The following KLC2 variants were observed in gnomAD, a reference collection of about 807,000 sequenced individuals.
The protein encoded by KLC2 is KLC 2.
A neutral mutation model predicts 75.1 loss-of-function variants in KLC2; 35 were observed. That is an observed-to-expected ratio of 0.47 (90% CI 0.36 to 0.62). The LOEUF is 0.62. Among genes scored for constraint, KLC2 ranks in the 20% least tolerant of loss-of-function variants. The pLI is 0.00. For synonymous variants in KLC2, 314 were observed against 336.7 expected (o/e 0.93, Z 0.74); for missense variants, 611 against 833.2 (o/e 0.73, Z 3.28).
At chr11:66,246,747 C>A in the KLC2 span, among the ~76,000 whole-genome samples, 6 of 152,198 alleles carry the variant, frequency 3.9e-5, no homozygotes, top group Non-Finnish European at 5.9e-5. Context: ...TCCTCACAAT[C>A]CCACCAAAAG....
At chr11:66,264,273 G>C in intron 8 of KLC2, 54 bp downstream of exon 8, 1 of 1,565,988 alleles carries the variant, frequency 6.4e-7, no homozygotes, top group Non-Finnish European at 8.7e-7. Context: ...GCAGGGATGA[G>C]GTTGGGGAAG....
chr11:66,264,624 C>T (rs73501972), intron 9 of KLC2, among the ~76,000 whole-genome samples, 180 bp downstream of exon 9: 1 of 152,182 alleles, frequency 6.6e-6, no homozygotes, highest in African/African-American at 2.4e-5. Context: ...GAGCACACAC[C>T]CAACTCACGC....
At chr11:66,253,584 C>T (rs1255133976), upstream of KLC2, among the ~76,000 whole-genome samples, 1 of 152,220 alleles carries the variant, frequency 6.6e-6, no homozygotes, top group East Asian at 1.9e-4. Context: ...TCTCCATTTA[C>T]TGAGTGCCCA....
At chr11:66,256,148 G>A (rs1009899838), upstream of KLC2, among the ~76,000 whole-genome samples, 1 of 151,448 alleles carries the variant, frequency 6.6e-6, no homozygotes, top group African/African-American at 2.4e-5. Context: ...TCTCATGCCT[G>A]TAATCCCAGC....
At chr11:66,254,451 A>G (rs1855987237), upstream of KLC2, among the ~76,000 whole-genome samples, 1 of 152,056 alleles carries the variant, frequency 6.6e-6, no homozygotes, top group African/African-American at 2.4e-5. Context: ...TGATCGCTTG[A>G]TCCCAGTAGT....
At chr11:66,262,679 A>G in intron 4 of KLC2, 135 bp from the exon 5 acceptor site, 1 of 668,796 alleles carries the variant, frequency 1.5e-6, no homozygotes, top group South Asian at 1.8e-5. Context: ...CATTCTATAA[A>G]TGGGGAAACT....
rs530520549 is a variant in KLC2 at position 66,265,076 on chromosome 11, G to A, written c.1266+4G>A. The A allele has an allele frequency of 1.2e-6, 2 of 1,610,952 alleles. No individual in the cohort carries two copies. Among genetic ancestry groups the A allele is most frequent in the East Asian group, 2.2e-5 (1 of 44,738 alleles). On this transcript the variant is annotated splice_donor_region_variant and intron_variant, in intron 10 of 15. Transcript: ENST00000394067. ...AGAGGAGCGGGAGGAAAGCAAGGTAGCTCTGTGGGGCAGGCTGGGCGGTTG... is the reference window on the plus strand; with the variant it reads ...AGAGGAGCGGGAGGAAAGCAAGGTAACTCTGTGGGGCAGGCTGGGCGGTTG...
Position 66,263,914 on chromosome 11 carries a change from G to C in KLC2, c.904G>C (p.Glu302Gln). The C allele has an allele frequency of 6.2e-7, 1 of 1,614,220 alleles. No individual in the cohort carries two copies. The highest frequency in any genetic ancestry group is 8.5e-7 in the Non-Finnish European group (1 of 1,180,034). The change falls in exon 7 of 16, where the codon GAG becomes CAG. Residue 302 changes from glutamate to glutamine, a missense_variant. Coordinates refer to ENST00000394067, the MANE Select transcript of KLC2 (RefSeq NM_001318734.2). ...CAAGAGGGGCAAGTACAAGGAGGCT[G>C]AGCCATTGTGCAAGCGGGCACTGGA... ...YGKRGKYKEA[E>Q]PLCKRALEIR...
Position 66,267,797 on chromosome 11 carries a change from G to T in KLC2, c.*841G>T. 5.1e-6 allele frequency: 2 copies of T among 394,446 alleles called. No individual in the cohort carries two copies. The highest frequency in any genetic ancestry group is 4.2e-6 in the Non-Finnish European group (1 of 236,506). The allele number at this position is 394,446 out of a possible 1,614,324, so 24.4% of individuals were successfully genotyped here. ...TGGCAGGAGGGGCTCCCCCTGTTGC[G>T]GGTGAGGCGGCTGCTCTCATATTTT... On this transcript the variant is annotated 3_prime_UTR_variant, in exon 16 of 16. Transcript: ENST00000394067.
the KLC2 span, chr11:66,244,527 C>T: frequency 1.3e-5 from 2 of 152,408 alleles, no homozygotes; most frequent in Non-Finnish European, 2.9e-5. Context: ...GAGCTTTTCT[C>T]TTGTCCTCTC....
In KLC2 at chr11:66,267,115, A is replaced by G; in HGVS notation, c.*159A>G. 1 of 1,529,132 alleles carries G rather than the reference A, an allele frequency of 6.5e-7. No individual in the cohort carries two copies. The highest frequency in any genetic ancestry group is 8.8e-7 in the Non-Finnish European group (1 of 1,134,548). The allele number at this position is 1,529,132 out of a possible 1,614,324, so 94.7% of individuals were successfully genotyped here. ...CCTTCTCCCTTGTCATCTCAGCCTGAGCCCTGGAGGCTGGGCCTGCCCACT... is the reference window on the plus strand; with the variant it reads ...CCTTCTCCCTTGTCATCTCAGCCTGGGCCCTGGAGGCTGGGCCTGCCCACT... On this transcript the variant is annotated 3_prime_UTR_variant, in exon 16 of 16. Coordinates refer to ENST00000394067, the MANE Select transcript of KLC2 (RefSeq NM_001318734.2).
the KLC2 span, among the ~76,000 whole-genome samples, chr11:66,251,978 G>A: frequency 6.6e-6 from 1 of 152,132 alleles, no homozygotes; most frequent in African/African-American, 2.4e-5. Context: ...GCTGGGGAGA[G>A]GTGAGCTCAT....
At chr11:66,245,702 G>A in the KLC2 span, among the ~76,000 whole-genome samples, 4 of 149,330 alleles carry the variant, frequency 2.7e-5, no homozygotes, top group Admixed American at 1.3e-4. Flanking sequence ...GCGACACAGC[G>A]AGACTCCGTC....
upstream of KLC2, among the ~76,000 whole-genome samples, chr11:66,252,706 A>T (rs975997637): frequency 1.3e-5 from 2 of 152,170 alleles, no homozygotes; most frequent in East Asian, 3.8e-4. Context: ...GCGGCTTTGA[A>T]CTTAGCTGAG....
chr11:66,248,303 C>T, the KLC2 span, among the ~76,000 whole-genome samples: 4 of 152,106 alleles, frequency 2.6e-5, no homozygotes, highest in Non-Finnish European at 5.9e-5. Context: ...GTGAGTCAAT[C>T]GTGATGCACG....
chr11:66,262,314 G>C (rs1254630868), intron 4 of KLC2, 122 bp downstream of exon 4: 9 of 750,216 alleles, frequency 1.2e-5, no homozygotes, highest in Non-Finnish European at 2.1e-5. Flanking sequence ...TAGTGTGTTA[G>C]AGCTTCAAGA....
At chr11:66,262,561 C>G in intron 4 of KLC2, 1 of 575,442 alleles carries the variant, frequency 1.7e-6, no homozygotes, top group South Asian at 2.1e-5. Flanking sequence ...GGCCTCCACT[C>G]TGTACACAGG....
Position 66,265,772 on chromosome 11 carries a change from C to T in KLC2, c.1443+9C>T. 2 of 1,612,646 alleles carry T rather than the reference C, an allele frequency of 1.2e-6. No homozygotes were observed. The highest frequency in any genetic ancestry group is 1.7e-6 in the Non-Finnish European group (2 of 1,179,142). On this transcript the variant is annotated intron_variant, in intron 12 of 15. Transcript: ENST00000394067. ...GCCGTAACCGCAAGCAGGTGGGGCT[C>T]CATGCAGGAGGGGGTGGGCAGACAC...
rs1462825170 is a variant in KLC2 at position 66,266,201 on chromosome 11, G to A, written c.1711G>A (p.Glu571Lys). ...VKKLQGGTPQ[E>K]PPNPRMKRAS... Reference sequence around the variant, plus strand: ...GAAGCTGCAGGGGGGCACCCCCCAGGAGCCCCCTAACCCCAGGTGAGCCCC... The same window carrying A: ...GAAGCTGCAGGGGGGCACCCCCCAGAAGCCCCCTAACCCCAGGTGAGCCCC... Residue 571 changes from glutamate to lysine, a missense_variant, in exon 14 of 16, where the codon GAG becomes AAG. Coordinates refer to ENST00000394067, the MANE Select transcript of KLC2 (RefSeq NM_001318734.2). 6.2e-7 allele frequency: 1 copy of A among 1,608,616 alleles called. No homozygotes were observed. Among genetic ancestry groups the A allele is most frequent in the Non-Finnish European group, 8.5e-7 (1 of 1,177,920 alleles).
Sources: gnomAD v4.1 joint callset for allele counts (sites outside exome capture counted in the v4.1 genomes callset) on GRCh38, gnomAD v4.1.1 for gene constraint, MANE v1.5 for transcripts, NCBI Gene and HGNC (gene_info 2026-07-23, HGNC 2026-07-21) for gene names.